Variants in ESRRG observed in about 807,000 individuals in gnomAD.
The protein encoded by ESRRG is estrogen related receptor gamma.
In ESRRG, 13 loss-of-function variants were observed where a neutral mutation model predicts 44.0. That is an observed-to-expected ratio of 0.30 (90% CI 0.19 to 0.47). The LOEUF (loss-of-function observed/expected upper bound fraction) is 0.47, where lower values mean the gene tolerates loss of function less well. Ranked by LOEUF, ESRRG falls within the 20% of genes least tolerant of loss-of-function variation. The pLI is 1.00. For missense variants in ESRRG, 395 were observed against 580.6 expected (o/e 0.68, Z 3.29); for synonymous variants, 215 against 214.6 (o/e 1.00, Z -0.02).
rs866942622 is a variant in ESRRG, at chr1:216,779,230, A to T, written c.-13-101739T>A. Among the ~76,000 whole-genome samples, 56 of 40,150 alleles carry T rather than the reference A, an allele frequency of 1.4e-3. 3 individuals carry two copies. Among genetic ancestry groups the T allele is most frequent in the Admixed American group, 5.6e-3 (12 of 2,154 alleles). 26.3% of individuals were successfully genotyped at this position (40,150 alleles called of 152,430 possible). A position where few individuals can be genotyped will look rare whatever the true frequency, so the allele number is the denominator to read the frequency against. On this transcript the variant is annotated intron_variant, in intron 2 of 7. Transcript: ENST00000359162. Reference sequence around the variant, plus strand: ...ATATAAATATATATTTATATTTATAAATATAAATATATATTTATATTTATA... The same window carrying T: ...ATATAAATATATATTTATATTTATATATATAAATATATATTTATATTTATA...
chr1:216,848,524 C>T (rs773050739), intron 2 of ESRRG, among the ~76,000 whole-genome samples: 2 of 151,902 alleles, frequency 1.3e-5, no homozygotes, highest in African/African-American at 4.8e-5. Flanking sequence ...CATTTCCATA[C>T]ATCTAGTTTT....
At chr1:216,670,104 A>G (rs76219146) in intron 2 of ESRRG, among the ~76,000 whole-genome samples, 1 of 152,346 alleles carries the variant, frequency 6.6e-6, no homozygotes, top group East Asian at 1.9e-4. Flanking sequence ...TATTTTCTCT[A>G]GACACTATTT....
chr1:216,835,074 G>A (rs2095542644), intron 2 of ESRRG, among the ~76,000 whole-genome samples: 1 of 152,180 alleles, frequency 6.6e-6, no homozygotes, highest in Non-Finnish European at 1.5e-5. Context: ...AAGGGAGGCA[G>A]CTGTGGAGTT....
At chr1:216,715,382 T>G (rs1192994952) in intron 1 of ESRRG, 1 of 244,190 alleles carries the variant, frequency 4.1e-6, no homozygotes, top group East Asian at 1.8e-4. Flanking sequence ...CATGAACAGT[T>G]GGTTACGGGT....
chr1:217,097,736 T>G (rs79689922), intron 1 of ESRRG, among the ~76,000 whole-genome samples: 2,301 of 152,062 alleles, frequency 0.015, 59 homozygotes, highest in African/African-American at 0.052. Context: ...CTCCTCCCTC[T>G]CTTCCTTTCT....
At chr1:216,553,429 A>G (rs189228083) in intron 5 of ESRRG, among the ~76,000 whole-genome samples, 1 of 152,284 alleles carries the variant, frequency 6.6e-6, no homozygotes. Flanking sequence ...TTCAGTTTTC[A>G]ACTTGCTTAA....
At chr1:216,888,820 G>C (rs2057394660) in intron 2 of ESRRG, among the ~76,000 whole-genome samples, 1 of 152,138 alleles carries the variant, frequency 6.6e-6, no homozygotes, top group Admixed American at 6.5e-5. Context: ...AGAGTTCACT[G>C]TGTTTCTAAG....
At chr1:216,928,036 A>C (rs1014107581) in intron 2 of ESRRG, among the ~76,000 whole-genome samples, 2 of 152,184 alleles carry the variant, frequency 1.3e-5, no homozygotes, top group African/African-American at 4.8e-5. Flanking sequence ...AGAGAAGAAA[A>C]GGGCTCAAAA....
At chr1:216,534,350 A>C (rs1024379078) in intron 5 of ESRRG, among the ~76,000 whole-genome samples, 3 of 152,156 alleles carry the variant, frequency 2.0e-5, no homozygotes, top group African/African-American at 7.2e-5. Flanking sequence ...GACTACTCAG[A>C]TATCCTAATG....
chr1:217,101,271 G>A (rs903007411), intron 1 of ESRRG, among the ~76,000 whole-genome samples: 8 of 152,252 alleles, frequency 5.3e-5, no homozygotes, highest in East Asian at 1.9e-4. Context: ...TTACTTAATC[G>A]GTCTGTGCCT....
chr1:216,654,989 C>T (rs536315285), intron 2 of ESRRG, among the ~76,000 whole-genome samples: 8 of 152,136 alleles, frequency 5.3e-5, no homozygotes, highest in Non-Finnish European at 1.0e-4. Context: ...GGAATAATTA[C>T]GTAAAGATTT....
chr1:216,694,859 C>A (rs912981558), intron 1 of ESRRG, among the ~76,000 whole-genome samples: 22 of 152,132 alleles, frequency 1.4e-4, no homozygotes, highest in African/African-American at 5.3e-4. Context: ...GCACCTGGCC[C>A]ATTTTTTGTT....
intron 2 of ESRRG, among the ~76,000 whole-genome samples, chr1:216,855,631 C>T (rs923359014): frequency 2.6e-5 from 4 of 152,084 alleles, no homozygotes; most frequent in Non-Finnish European, 4.4e-5. Flanking sequence ...GTCTGTGGCA[C>T]GTGGAAGGAA....
At chr1:216,639,067 A>G (rs1004661585) in intron 3 of ESRRG, among the ~76,000 whole-genome samples, 2 of 152,180 alleles carry the variant, frequency 1.3e-5, no homozygotes, top group African/African-American at 4.8e-5. Flanking sequence ...GATTATGATA[A>G]TGTTGATACT....
intron 1 of ESRRG, among the ~76,000 whole-genome samples, chr1:217,097,619 T>C (rs2092442346): frequency 6.6e-6 from 1 of 152,178 alleles, no homozygotes; most frequent in South Asian, 2.1e-4. Context: ...ACTTTCAAAA[T>C]GGAAATTTTA....
chr1:216,751,592 T>C (rs2092010973), intron 2 of ESRRG, among the ~76,000 whole-genome samples: 1 of 151,950 alleles, frequency 6.6e-6, no homozygotes. Flanking sequence ...TTTTCCCTTT[T>C]TTTCCTCCCT....
chr1:217,051,226 A>T (rs1338760865), intron 1 of ESRRG, among the ~76,000 whole-genome samples: 1 of 92,926 alleles, frequency 1.1e-5, no homozygotes, highest in African/African-American at 4.0e-5. Flanking sequence ...GTGCCAGGGG[A>T]ATTGTAAGAC....
chr1:217,120,752 T>C lies in ESRRG; in HGVS notation c.-230+16915A>G, dbSNP rs1297140079. 2.6e-5 allele frequency among the ~76,000 whole-genome samples: 4 copies of C among 152,234 alleles called. No homozygotes were observed. The East Asian group carries it at 7.7e-4, about 29-fold the overall frequency. On this transcript the variant is annotated intron_variant, in intron 1 of 8. Transcript: ENST00000366940. ...TTTCTCATGTGGTTAATTCATCTTTTACATTTTCGCTCATACGTACCAACT... is the reference window on the plus strand; with the variant it reads ...TTTCTCATGTGGTTAATTCATCTTTCACATTTTCGCTCATACGTACCAACT...
chr1:216,772,853 T>C (rs1223978341), intron 2 of ESRRG, among the ~76,000 whole-genome samples: 1 of 151,474 alleles, frequency 6.6e-6, no homozygotes, highest in Non-Finnish European at 1.5e-5. Flanking sequence ...CTAGCACATT[T>C]TTTTTTTTTT....
Sources: gnomAD v4.1 joint callset for allele counts (sites outside exome capture counted in the v4.1 genomes callset) on GRCh38, gnomAD v4.1.1 for gene constraint, MANE v1.5 for transcripts, NCBI Gene and HGNC (gene_info 2026-07-23, HGNC 2026-07-21) for gene names.